Variants in NFATC1 observed in about 807,000 individuals in gnomAD.
The protein encoded by NFATC1 is nuclear factor of activated T cells 1.
A neutral mutation model predicts 76.0 loss-of-function variants in NFATC1; 22 were observed. The observed-to-expected ratio is 0.29, with a 90% confidence interval of 0.21 to 0.41. NFATC1 has a LOEUF of 0.41. NFATC1 is among the 10% of genes least tolerant of loss of function. NFATC1 has a pLI of 1.00. For synonymous variants in NFATC1, 704 were observed against 613.1 expected, an observed-to-expected ratio of 1.15 and a Z score of -2.19; for missense variants, 1,357 against 1,337.7, an observed-to-expected ratio of 1.01 and a Z score of -0.23.
At chr18:79,487,082 T>C (rs945515827) in intron 9 of NFATC1, 145 bp downstream of exon 9, 4 of 968,054 alleles carry the variant, frequency 4.1e-6, no homozygotes, top group Non-Finnish European at 4.4e-6. Context: ...CCTCCTGATA[T>C]AAAGTGCCCG....
At chr18:79,412,773 CT>C (rs781132148) in intron 2 of NFATC1, among the ~76,000 whole-genome samples, 24 of 152,256 alleles carry the variant, frequency 1.6e-4, no homozygotes, top group Non-Finnish European at 3.1e-4. Context: ...CTGATTCTGC[CT>C]TTCTACTGGC....
Position 79,396,283 on chromosome 18 carries a change from T to C in NFATC1, c.59T>C (p.Val20Ala). ...SKFPLGPAAA[V>A]FGRGETLGPA... ...TTTCCACTTGGCCCTGCGGCTGCGG[T>C]CTTCGGGAGAGGAGAAACTTTGGGG... The change falls in exon 1 of 10, where the codon GTC (valine) becomes GCC (alanine). Residue 20 changes from valine (V) to alanine (A), a missense_variant. By Grantham distance (64) the Val-to-Ala change is moderately conservative. Around this residue, in one of 3 missense-constraint regions of NFATC1, gnomAD observed 691 missense variants for 613.1 expected, o/e 1.13. Transcript: ENST00000427363. The C allele has an allele frequency of 1.4e-6, 2 of 1,461,398 alleles. No individual in the cohort carries two copies. The highest frequency in any genetic ancestry group is 1.8e-6 in the Non-Finnish European group (2 of 1,096,020). The allele number at this position is 1,461,398 out of a possible 1,614,324, so 90.5% of individuals were successfully genotyped here.
At chr18:79,464,699 T>TGTATATATATATA (rs1568994752) in intron 7 of NFATC1, among the ~76,000 whole-genome samples, 7 of 83,814 alleles carry the variant, frequency 8.4e-5, no homozygotes, top group Non-Finnish European at 1.4e-4. Context: ...TATATATTTA[T>TGTATATATATATA]TTATTTATTT....
intron 9 of NFATC1, among the ~76,000 whole-genome samples, chr18:79,516,441 TAAAG>T (rs1336725148): frequency 2.6e-5 from 4 of 152,230 alleles, no homozygotes; most frequent in Non-Finnish European, 5.9e-5. Context: ...TGCAGAATCG[TAAAG>T]AAGGGTTCTA....
chr18:79,482,729 T>TG (rs2089331767), intron 8 of NFATC1, among the ~76,000 whole-genome samples: 2 of 132,744 alleles, frequency 1.5e-5, no homozygotes, highest in African/African-American at 2.9e-5. Context: ...CAGCGTGACC[T>TG]GCTCCTGAGG....
chr18:79,441,866 TGGA>T (rs1306250485), intron 3 of NFATC1, among the ~76,000 whole-genome samples: 2 of 151,902 alleles, frequency 1.3e-5, no homozygotes, highest in Non-Finnish European at 2.9e-5. Context: ...TTTCTCAGCA[TGGA>T]TTAATTGATT....
chr18:79,510,163 G>T (rs1000482207), intron 9 of NFATC1, among the ~76,000 whole-genome samples: 1 of 152,220 alleles, frequency 6.6e-6, no homozygotes, highest in Non-Finnish European at 1.5e-5. Context: ...ACAGGACAGC[G>T]AGCAGGTTCC....
At chr18:79,456,167 G>A (rs964972176) in intron 6 of NFATC1, among the ~76,000 whole-genome samples, 5 of 152,142 alleles carry the variant, frequency 3.3e-5, no homozygotes, top group African/African-American at 4.8e-5. Flanking sequence ...GCAAGGACAC[G>A]GAACTGTCAC....
intron 8 of NFATC1, among the ~76,000 whole-genome samples, chr18:79,482,672 G>GT (rs200070940): frequency 3.7e-3 from 395 of 107,150 alleles, no homozygotes; most frequent in Admixed American, 5.5e-3. Flanking sequence ...GCGTGACCTG[G>GT]TCCTGGGGTG....
chr18:79,477,063 T>A (rs1300221743), intron 8 of NFATC1, among the ~76,000 whole-genome samples: 1 of 152,162 alleles, frequency 6.6e-6, no homozygotes, highest in East Asian at 1.9e-4. Flanking sequence ...TCACCTGCTC[T>A]GGAAACTGAT....
intron 2 of NFATC1, among the ~76,000 whole-genome samples, chr18:79,424,676 T>C (rs915033671): frequency 6.6e-6 from 1 of 151,688 alleles, no homozygotes; most frequent in South Asian, 2.1e-4. Flanking sequence ...CATCTCTGTC[T>C]CTGTCCCTGT....
At position 79,486,283 on chromosome 18, in the gene NFATC1, G is replaced by C. The variant is rs894879820; in HGVS notation, c.2128G>C (p.Glu710Gln). 1 of 1,612,618 alleles carries C rather than the reference G, an allele frequency of 6.2e-7. No homozygotes were observed. Among genetic ancestry groups the C allele is most frequent in the Non-Finnish European group, 8.5e-7 (1 of 1,179,648 alleles). Residue 710 changes from glutamate to glutamine, a missense_variant, in exon 9 of 10, where the codon GAG (glutamate) becomes CAG (glutamine). Physicochemically the swap from Glu to Gln is conservative, Grantham distance 29. Transcript: ENST00000427363. ...IIKTEPTDDYEPAPTCGPVSQ... is the reference protein window; with the variant it reads ...IIKTEPTDDYQPAPTCGPVSQ... ...AAAAACAGAACCCACTGATGATTAT[G>C]AGCCTGCTCCAACCTGTGGACCGGT...
chr18:79,454,408 G>A (rs1600763441), intron 6 of NFATC1, among the ~76,000 whole-genome samples: 1 of 152,350 alleles, frequency 6.6e-6, no homozygotes, highest in East Asian at 1.9e-4. Context: ...AGATGGAGCG[G>A]CTCCACTGCC....
intron 8 of NFATC1, among the ~76,000 whole-genome samples, chr18:79,475,640 C>G (rs1429499361): frequency 6.6e-6 from 1 of 152,264 alleles, no homozygotes; most frequent in Non-Finnish European, 1.5e-5. Context: ...TTCTCACGCT[C>G]ACTGTCAACG....
At chr18:79,463,112 C>A (rs957275128) in intron 7 of NFATC1, among the ~76,000 whole-genome samples, 3 of 152,250 alleles carry the variant, frequency 2.0e-5, no homozygotes, top group Non-Finnish European at 4.4e-5. Context: ...AGAACCTTTT[C>A]CAAGTGGTTA....
At chr18:79,460,062 G>A (rs996113918) in intron 6 of NFATC1, among the ~76,000 whole-genome samples, 4 of 152,166 alleles carry the variant, frequency 2.6e-5, no homozygotes, top group South Asian at 4.1e-4. Context: ...AGGCTCTATC[G>A]AGTGGGTTCA....
At chr18:79,476,846 A>G (rs1163488368) in intron 8 of NFATC1, among the ~76,000 whole-genome samples, 1 of 152,046 alleles carries the variant, frequency 6.6e-6, no homozygotes, top group Non-Finnish European at 1.5e-5. Flanking sequence ...TGGTTGGAAT[A>G]CTCACCAGAC....
At chr18:79,486,208 G>T in intron 8 of NFATC1, 40 bp from the exon 9 acceptor site, 1 of 1,564,744 alleles carries the variant, frequency 6.4e-7, no homozygotes, top group Non-Finnish European at 8.7e-7. Context: ...ACACTCATTC[G>T]CAACTTGTGT....
intron 9 of NFATC1, among the ~76,000 whole-genome samples, chr18:79,500,216 A>G (rs987138069): frequency 3.9e-5 from 6 of 152,196 alleles, no homozygotes; most frequent in African/African-American, 1.4e-4. Flanking sequence ...TCTGATTGCA[A>G]TGGATATCAA....
Sources: gnomAD v4.1 joint callset for allele counts (sites outside exome capture counted in the v4.1 genomes callset) on GRCh38, gnomAD v4.1.1 for gene constraint, gnomAD v4.1.1 regional missense constraint, MANE v1.5 for transcripts, NCBI Gene and HGNC (gene_info 2026-07-23, HGNC 2026-07-21) for gene names.